Variants in ARHGEF10 observed in about 807,000 individuals in gnomAD.
The protein encoded by ARHGEF10 is Rho guanine nucleotide exchange factor (GEF) 10.
ARHGEF10 carries 140 observed loss-of-function variants against 147.4 expected under a neutral mutation model. That is an observed-to-expected ratio of 0.95 (90% CI 0.83 to 1.09). The LOEUF (loss-of-function observed/expected upper bound fraction) is 1.09, where lower values mean the gene tolerates loss of function less well. Ranked by LOEUF, ARHGEF10 falls within the 50% of genes least tolerant of loss-of-function variation. The pLI, the probability that ARHGEF10 is intolerant of heterozygous loss-of-function variation, is 0.00. For synonymous variants in ARHGEF10, 902 were observed against 695.8 expected (o/e 1.30, Z -4.67); for missense variants, 2,222 against 1,752.7 (o/e 1.27, Z -4.78).
intron 27 of ARHGEF10, among the ~76,000 whole-genome samples, chr8:1,946,919 G>A (rs1465222819): frequency 6.6e-6 from 1 of 152,204 alleles, no homozygotes; most frequent in Non-Finnish European, 1.5e-5. Context: ...TTTTCTCAGG[G>A]GCTAACTGTA....
At chr8:1,935,313 C>A (rs759536598) in intron 26 of ARHGEF10, among the ~76,000 whole-genome samples, 3 of 152,098 alleles carry the variant, frequency 2.0e-5, no homozygotes, top group Non-Finnish European at 2.9e-5. Context: ...CACAGTCCCT[C>A]ATCACTCAGG....
At chr8:1,956,234 A>G (rs1815555887) in intron 28 of ARHGEF10, among the ~76,000 whole-genome samples, 1 of 152,206 alleles carries the variant, frequency 6.6e-6, no homozygotes, top group Non-Finnish European at 1.5e-5. Context: ...CATCACCTGA[A>G]AACTGAAAGT....
At position 1,915,642 on chromosome 8, in the gene ARHGEF10, C is replaced by T. The variant is rs73182778; in HGVS notation, c.2143+6172C>T. On this transcript the variant is annotated intron_variant, in intron 18 of 28. Coordinates refer to ENST00000349830, the MANE Select transcript of ARHGEF10 (RefSeq NM_014629.4). ...CCATGCAGGTGGCTGCCGCCTTCTC[C>T]GTCACTGTGTCTGTTTATATCTCCC... 5.3e-5 allele frequency among the ~76,000 whole-genome samples: 8 copies of T among 152,362 alleles called. No individual in the cohort carries two copies. In the East Asian group the frequency reaches 9.7e-4, roughly 18 times the overall value.
intron 1 of ARHGEF10, among the ~76,000 whole-genome samples, chr8:1,831,475 G>A (rs1177740572): frequency 6.7e-6 from 1 of 149,768 alleles, no homozygotes; most frequent in Non-Finnish European, 1.5e-5. Flanking sequence ...GGGACAGTGT[G>A]ACATCCGTGG....
At chr8:1,900,081 A>G (rs2129168991) in intron 15 of ARHGEF10, among the ~76,000 whole-genome samples, 1 of 152,362 alleles carries the variant, frequency 6.6e-6, no homozygotes, top group East Asian at 1.9e-4. Context: ...TTATCAGAAT[A>G]CTTTCTAAAT....
intron 27 of ARHGEF10, among the ~76,000 whole-genome samples, chr8:1,950,730 G>GTTTTTTTTTTTTTTTTTTTTTTTTTTT: frequency 9.2e-6 from 1 of 108,458 alleles, no homozygotes; most frequent in Non-Finnish European, 1.8e-5. Flanking sequence ...TGTTTTTTAG[G>GTTTTTTTTTTTTTTTTTTTTTTTTTTT]TTTTTTTTTT....
chr8:1,911,875 A>G (rs753747070), intron 18 of ARHGEF10, among the ~76,000 whole-genome samples: 2 of 152,246 alleles, frequency 1.3e-5, no homozygotes, highest in African/African-American at 4.8e-5. Context: ...GTTTTCATCA[A>G]ATGGCTTCAA....
intron 8 of ARHGEF10, among the ~76,000 whole-genome samples, chr8:1,878,015 A>G (rs1289980028): frequency 3.9e-5 from 6 of 152,038 alleles, no homozygotes; most frequent in African/African-American, 1.2e-4. Context: ...GCTGCCTACA[A>G]TTCTCATATT....
chr8:1,852,138 T>C (rs1213952563), intron 2 of ARHGEF10, among the ~76,000 whole-genome samples: 4 of 152,160 alleles, frequency 2.6e-5, no homozygotes, highest in Admixed American at 2.6e-4. Context: ...CAACTGAGGC[T>C]CTTGGTCACA....
chr8:1,910,354 C>G lies in ARHGEF10; in HGVS notation c.2143+884C>G, dbSNP rs1811266018. On this transcript the variant is annotated intron_variant, in intron 18 of 28. Transcript: ENST00000349830. ...GAACATGATGTAAGGAGTATTAGGTCTAATTCGCTTTGGGACCGCTTTTAT... is the reference window on the plus strand; with the variant it reads ...GAACATGATGTAAGGAGTATTAGGTGTAATTCGCTTTGGGACCGCTTTTAT... Among the ~76,000 whole-genome samples, 3 of 152,222 alleles carry G rather than the reference C, an allele frequency of 2.0e-5. No homozygotes were observed. The South Asian group carries it at 6.2e-4, about 31-fold the overall frequency.
chr8:1,945,707 T>TG (rs746340885), intron 27 of ARHGEF10, 52 bp downstream of exon 27: 6 of 1,610,246 alleles, frequency 3.7e-6, no homozygotes, highest in African/African-American at 1.3e-5. Context: ...GGGACGGACG[T>TG]GGGGGGTGCG....
At chr8:1,914,815 A>G (rs1325094642) in intron 18 of ARHGEF10, among the ~76,000 whole-genome samples, 1 of 152,178 alleles carries the variant, frequency 6.6e-6, no homozygotes, top group Non-Finnish European at 1.5e-5. Context: ...CCACGACTCA[A>G]AAGTGTCATT....
At chr8:1,902,179 G>T (rs112170743) in intron 15 of ARHGEF10, among the ~76,000 whole-genome samples, 11 of 152,166 alleles carry the variant, frequency 7.2e-5, no homozygotes, top group Admixed American at 3.3e-4. Context: ...GCCCCGGTGT[G>T]TGATGCGCCC....
chr8:1,925,469 G>C lies in ARHGEF10; in HGVS notation c.2610+65G>C, dbSNP rs188148123. ...CCTCGCAGCTCTGAATGGGCCACTTGGGAGATGATTCTTAAGGGGCGTGGT... is the reference window on the plus strand; with the variant it reads ...CCTCGCAGCTCTGAATGGGCCACTTCGGAGATGATTCTTAAGGGGCGTGGT... On this transcript the variant is annotated intron_variant, in intron 22 of 28. Coordinates refer to ENST00000349830, the MANE Select transcript of ARHGEF10 (RefSeq NM_014629.4). 1,541 of 1,602,288 alleles carry C rather than the reference G, an allele frequency of 9.6e-4. 17 individuals are homozygous for C. In the African/African-American group the frequency reaches 0.018, roughly 18 times the overall value.
At chr8:1,932,496 T>G (rs1813235051) in intron 25 of ARHGEF10, among the ~76,000 whole-genome samples, 1 of 151,428 alleles carries the variant, frequency 6.6e-6, no homozygotes, top group Non-Finnish European at 1.5e-5. Context: ...CGTGTGTGTG[T>G]GCATATGGCA....
chr8:1,888,566 C>A (rs1466526607), intron 11 of ARHGEF10, among the ~76,000 whole-genome samples: 1 of 116,590 alleles, frequency 8.6e-6, no homozygotes, highest in African/African-American at 3.9e-5. Flanking sequence ...TATGGGGAGA[C>A]ACTGAGTGGG....
chr8:1,870,215 G>A (rs968080409), intron 7 of ARHGEF10: 1 of 149,916 alleles, frequency 6.7e-6, no homozygotes, highest in African/African-American at 2.5e-5. Context: ...ATTTTTCAGG[G>A]GGAGGATCTT....
At chr8:1,834,247 C>G (rs1219594118) in intron 1 of ARHGEF10, among the ~76,000 whole-genome samples, 2 of 152,254 alleles carry the variant, frequency 1.3e-5, no homozygotes, top group Non-Finnish European at 2.9e-5. Flanking sequence ...ACCCGGTTAG[C>G]TCGTGACTGA....
At chr8:1,826,179 G>C (rs2129028939) in intron 1 of ARHGEF10, 1 of 1,523,166 alleles carries the variant, frequency 6.6e-7, no homozygotes, top group Non-Finnish European at 8.9e-7. Context: ...TAATTCATTA[G>C]TTGTAGACAG....
Sources: allele counts gnomAD v4.1 joint callset (sites outside exome capture counted in the v4.1 genomes callset), GRCh38; gene constraint gnomAD v4.1.1; transcripts MANE v1.5; gene names NCBI Gene and HGNC (gene_info 2026-07-23, HGNC 2026-07-21).